The following MCU variants were observed in gnomAD, a reference collection of about 807,000 sequenced individuals.
MCU encodes the protein calcium uniporter protein, mitochondrial.
A neutral mutation model predicts 45.2 loss-of-function variants in MCU; 12 were observed. The ratio of observed to expected loss-of-function variants is 0.27; its 90% CI spans 0.17 to 0.43. The LOEUF (loss-of-function observed/expected upper bound fraction) is 0.43. Ranked by LOEUF, MCU falls within the 20% of genes least tolerant of loss-of-function variation. The pLI is 1.00. For missense variants in MCU, 324 were observed against 436.7 expected (o/e 0.74, Z 2.30); for synonymous variants, 160 against 165.1 (o/e 0.97, Z 0.24).
chr10:72,860,550 G>T, intron 4 of MCU, 23 bp downstream of exon 4: 2 of 1,576,868 alleles, frequency 1.3e-6, no homozygotes, highest in Non-Finnish European at 1.7e-6. Context: ...CCTTGGTAAG[G>T]TCACAGAAAT....
chr10:72,830,377 T>C (rs1844861839), intron 1 of MCU, among the ~76,000 whole-genome samples: 1 of 152,194 alleles, frequency 6.6e-6, no homozygotes, highest in African/African-American at 2.4e-5. Context: ...TATGAACTCA[T>C]AGAGGACAGA....
At chr10:72,838,732 G>A (rs948690167) in intron 2 of MCU, among the ~76,000 whole-genome samples, 1 of 152,098 alleles carries the variant, frequency 6.6e-6, no homozygotes, top group South Asian at 2.1e-4. Flanking sequence ...AAAATTGTTT[G>A]CGGGCAAATA....
chr10:72,777,934 T>C (rs1421916677), intron 1 of MCU, among the ~76,000 whole-genome samples: 1 of 152,206 alleles, frequency 6.6e-6, no homozygotes, highest in Non-Finnish European at 1.5e-5. Context: ...TGAAAAATGC[T>C]CAGCATCACT....
At chr10:72,769,055 T>C (rs1763920303) in intron 1 of MCU, among the ~76,000 whole-genome samples, 2 of 152,110 alleles carry the variant, frequency 1.3e-5, no homozygotes, top group South Asian at 4.2e-4. Flanking sequence ...AGTCTTGGTA[T>C]GTTGCCCAGG....
chr10:72,711,811 A>G (rs1304343596), intron 1 of MCU, among the ~76,000 whole-genome samples: 2 of 144,936 alleles, frequency 1.4e-5, no homozygotes, highest in Non-Finnish European at 3.0e-5. Flanking sequence ...TCCCGGGTTC[A>G]CGTCATTCTC....
At chr10:72,784,565 G>A (rs1223116233) in intron 1 of MCU, among the ~76,000 whole-genome samples, 1 of 152,204 alleles carries the variant, frequency 6.6e-6, no homozygotes, top group Non-Finnish European at 1.5e-5. Flanking sequence ...GTTGTCAGCA[G>A]GGATTAGATC....
intron 2 of MCU, among the ~76,000 whole-genome samples, chr10:72,856,428 T>G (rs928568761): frequency 5.9e-5 from 9 of 152,182 alleles, no homozygotes; most frequent in African/African-American, 2.2e-4. Flanking sequence ...GTGTGAAGAT[T>G]TTGTATATAA....
chr10:72,805,101 C>CTTTCTCTTTCTT (rs1554824914), intron 1 of MCU, among the ~76,000 whole-genome samples: 69 of 103,442 alleles, frequency 6.7e-4, no homozygotes, highest in South Asian at 1.1e-3. Flanking sequence ...TTCTTTCTTT[C>CTTTCTCTTTCTT]TCTTTCTTTC....
intron 2 of MCU, among the ~76,000 whole-genome samples, chr10:72,839,354 T>A (rs1273349102): frequency 6.6e-6 from 1 of 151,976 alleles, no homozygotes; most frequent in Non-Finnish European, 1.5e-5. Context: ...TTTTTTTTTT[T>A]AAGTTCCCCA....
Position 72,885,928 on chromosome 10 carries a change from A to G in MCU, c.*106A>G. The G allele has an allele frequency of 1.3e-6, 1 of 783,206 alleles. No homozygotes were observed. Among genetic ancestry groups the G allele is most frequent in the Non-Finnish European group, 2.1e-6 (1 of 472,588 alleles). 48.5% of individuals were successfully genotyped at this position (783,206 alleles called of 1,614,324 possible). On this transcript the variant is annotated 3_prime_UTR_variant, in exon 8 of 8. Coordinates refer to ENST00000373053, the MANE Select transcript of MCU (RefSeq NM_138357.3). ...GCCATGTGGGGGGTAGAGCGTTTTT[A>G]CCTTTAATTATAAAACAAAAACAGA... is the stretch of plus-strand genomic sequence containing the variant.
intron 2 of MCU, among the ~76,000 whole-genome samples, chr10:72,838,056 T>C (rs1218866395): frequency 6.6e-6 from 1 of 150,418 alleles, no homozygotes; most frequent in Non-Finnish European, 1.5e-5. Context: ...AGAGACGGGG[T>C]TTCACTGTGT....
chr10:72,750,284 C>T (rs185331719), intron 1 of MCU, among the ~76,000 whole-genome samples: 49 of 152,206 alleles, frequency 3.2e-4, no homozygotes, highest in African/African-American at 1.0e-3. Context: ...ACAGTTTCTC[C>T]CATATCTGCA....
intron 4 of MCU, among the ~76,000 whole-genome samples, chr10:72,864,799 T>G (rs1845429162): frequency 2.0e-5 from 3 of 152,174 alleles, no homozygotes; most frequent in Admixed American, 2.0e-4. Context: ...TCAGGGACAG[T>G]TAGCCATTTA....
chr10:72,859,681 T>C (rs1426433448), intron 3 of MCU, among the ~76,000 whole-genome samples: 1 of 152,208 alleles, frequency 6.6e-6, no homozygotes, highest in African/African-American at 2.4e-5. Context: ...GAATAAATAC[T>C]TCCAGTAGTT....
intron 1 of MCU, among the ~76,000 whole-genome samples, chr10:72,813,185 T>C (rs1844570433): frequency 6.6e-6 from 1 of 152,152 alleles, no homozygotes; most frequent in South Asian, 2.1e-4. Context: ...GTAGAACCCA[T>C]TGGAACATAA....
At chr10:72,761,296 A>C (rs1483193632) in intron 1 of MCU, among the ~76,000 whole-genome samples, 1 of 152,222 alleles carries the variant, frequency 6.6e-6, no homozygotes, top group Non-Finnish European at 1.5e-5. Flanking sequence ...ACCAATCTTA[A>C]GCCACCAAAT....
intron 1 of MCU, among the ~76,000 whole-genome samples, chr10:72,772,684 A>G (rs534457602): frequency 9.8e-5 from 15 of 152,332 alleles, no homozygotes; most frequent in Middle Eastern, 3.4e-3. Context: ...TGGGTGACAG[A>G]GTGAGACTCT....
At chr10:72,747,516 A>C (rs1313155258) in intron 1 of MCU, among the ~76,000 whole-genome samples, 1 of 152,158 alleles carries the variant, frequency 6.6e-6, no homozygotes, top group Non-Finnish European at 1.5e-5. Context: ...GTAATACAAA[A>C]ATTATTTTGG....
At chr10:72,741,269 T>G (rs1158458060) in intron 1 of MCU, among the ~76,000 whole-genome samples, 1 of 151,950 alleles carries the variant, frequency 6.6e-6, no homozygotes, top group Non-Finnish European at 1.5e-5. Flanking sequence ...CCGGCTAATT[T>G]TTTGTATTTT....
Sources: allele counts gnomAD v4.1 joint callset (sites outside exome capture counted in the v4.1 genomes callset), GRCh38; gene constraint gnomAD v4.1.1; transcripts MANE v1.5; gene names NCBI Gene and HGNC (gene_info 2026-07-23, HGNC 2026-07-21).